The following SUGCT variants were observed in gnomAD, a reference collection of about 807,000 sequenced individuals.
The protein encoded by SUGCT is succinyl-CoA:glutarate CoA-transferase.
SUGCT carries 41 observed loss-of-function variants against 55.0 expected under a neutral mutation model. The observed-to-expected ratio is 0.74, with a 90% CI of 0.58 to 0.97. The LOEUF is 0.97. Among genes scored for constraint, SUGCT ranks in the 50% least tolerant of loss-of-function variants. The probability of loss-of-function intolerance (pLI) is 0.00; values close to 1 mark genes in which losing one functional copy is unlikely to be tolerated. For synonymous variants in SUGCT, 187 were observed against 200.4 expected (o/e 0.93, Z 0.56); for missense variants, 568 against 547.8 (o/e 1.04, Z -0.37).
intron 12 of SUGCT, among the ~76,000 whole-genome samples, chr7:40,657,770 G>T (rs757790481): frequency 6.6e-6 from 1 of 152,196 alleles, no homozygotes; most frequent in East Asian, 1.9e-4. Flanking sequence ...TCCTGACCTC[G>T]TGATTCACCC....
chr7:40,615,139 A>G (rs577884502), intron 12 of SUGCT, among the ~76,000 whole-genome samples: 1 of 152,116 alleles, frequency 6.6e-6, no homozygotes, highest in Non-Finnish European at 1.5e-5. Context: ...CTAATTCTAT[A>G]TTGAATGCTG....
At chr7:40,279,528 G>T (rs1265570090) in intron 8 of SUGCT, among the ~76,000 whole-genome samples, 1 of 152,072 alleles carries the variant, frequency 6.6e-6, no homozygotes, top group Admixed American at 6.6e-5. Context: ...TGCAATGAAG[G>T]ATGTGAAAAA....
Position 40,273,732 on chromosome 7 carries a change from G to A in SUGCT, c.577-781G>A, listed in dbSNP as rs1332968538. 2.0e-5 allele frequency among the ~76,000 whole-genome samples: 3 copies of A among 152,260 alleles called. No homozygotes were observed. In the East Asian group the frequency reaches 5.8e-4, roughly 29 times the overall value. On this transcript the variant is annotated intron_variant, in intron 7 of 13. Coordinates refer to ENST00000335693, the MANE Select transcript of SUGCT (RefSeq NM_001193313.2). Reference sequence around the variant, plus strand: ...GTCTGGGACATTGAGAGAGGCCCCCGGATCCTTTCTTACTGCAATAGACAA... The same window carrying A: ...GTCTGGGACATTGAGAGAGGCCCCCAGATCCTTTCTTACTGCAATAGACAA...
the SUGCT span, among the ~76,000 whole-genome samples, chr7:40,978,311 G>C: frequency 6.6e-6 from 1 of 152,186 alleles, no homozygotes; most frequent in South Asian, 2.1e-4. Context: ...GTCAGGCAGG[G>C]GTTGCTCTCC....
intron 9 of SUGCT, among the ~76,000 whole-genome samples, chr7:40,352,864 A>G (rs1797704937): frequency 6.6e-6 from 1 of 152,066 alleles, no homozygotes; most frequent in Admixed American, 6.6e-5. Context: ...ACTGCTTTCC[A>G]CCCTATCTGA....
intron 3 of SUGCT, among the ~76,000 whole-genome samples, chr7:40,186,962 A>C (rs1172119754): frequency 1.3e-5 from 2 of 152,224 alleles, no homozygotes; most frequent in Non-Finnish European, 2.9e-5. Context: ...GCTAGTTAAA[A>C]ATTTTAAGAA....
intron 3 of SUGCT, among the ~76,000 whole-genome samples, chr7:40,186,323 C>T (rs576267199): frequency 4.9e-4 from 74 of 151,088 alleles, no homozygotes; most frequent in Non-Finnish European, 9.9e-4. Flanking sequence ...CAGTGGCGCA[C>T]TCCTGGCTCA....
chr7:41,038,028 G>A, the SUGCT span, among the ~76,000 whole-genome samples: 6 of 152,118 alleles, frequency 3.9e-5, no homozygotes, highest in Admixed American at 6.6e-5. Context: ...CCCTGCAAGC[G>A]GGGGAAGAGT....
At chr7:40,505,910 T>C (rs1210270503) in intron 12 of SUGCT, among the ~76,000 whole-genome samples, 1 of 152,112 alleles carries the variant, frequency 6.6e-6, no homozygotes, top group Non-Finnish European at 1.5e-5. Context: ...CTTTTTGCTC[T>C]TACTCACAAT....
intron 12 of SUGCT, among the ~76,000 whole-genome samples, chr7:40,571,754 A>G (rs1345845152): frequency 6.6e-6 from 1 of 152,206 alleles, no homozygotes; most frequent in African/African-American, 2.4e-5. Flanking sequence ...AGCTTTTATC[A>G]GGCACCAGTT....
At chr7:40,335,975 C>T (rs1018039772) in intron 9 of SUGCT, among the ~76,000 whole-genome samples, 93 of 152,194 alleles carry the variant, frequency 6.1e-4, no homozygotes, top group Non-Finnish European at 9.9e-4. Context: ...TGAATTTTGT[C>T]GAAGGCCTTT....
the SUGCT span, among the ~76,000 whole-genome samples, chr7:40,941,249 T>C: frequency 2.0e-5 from 3 of 152,146 alleles, no homozygotes; most frequent in Admixed American, 1.3e-4. Flanking sequence ...CACACTTTGC[T>C]GTATCCCAGA....
intron 9 of SUGCT, among the ~76,000 whole-genome samples, chr7:40,388,371 T>G (rs968259846): frequency 2.0e-5 from 3 of 152,302 alleles, no homozygotes; most frequent in African/African-American, 7.2e-5. Context: ...TCACCTTAAC[T>G]TAGTTTTAAT....
intron 1 of SUGCT, among the ~76,000 whole-genome samples, chr7:40,166,020 G>T (rs1784408465): frequency 6.6e-6 from 1 of 152,216 alleles, no homozygotes; most frequent in Non-Finnish European, 1.5e-5. Context: ...TACTCAGGAG[G>T]CTGAGGCAGG....
At chr7:40,480,620 TTGATATTA>T (rs1790976409) in intron 11 of SUGCT, among the ~76,000 whole-genome samples, 1 of 152,234 alleles carries the variant, frequency 6.6e-6, no homozygotes, top group South Asian at 2.1e-4. Context: ...ACTCATTTTA[TTGATATTA>T]TTTCTTCTAA....
intron 12 of SUGCT, chr7:40,539,195 G>A (rs1029867229): frequency 2.6e-5 from 4 of 152,230 alleles, no homozygotes; most frequent in Admixed American, 2.0e-4. Flanking sequence ...GGATGCCTTG[G>A]TTGTTCAGGG....
At chr7:40,364,450 T>G (rs1388517403) in intron 9 of SUGCT, among the ~76,000 whole-genome samples, 5 of 152,148 alleles carry the variant, frequency 3.3e-5, no homozygotes, top group Non-Finnish European at 5.9e-5. Flanking sequence ...CAGTGGCTGG[T>G]ACCGGTTGTT....
At chr7:40,655,187 A>G (rs535367391) in intron 12 of SUGCT, among the ~76,000 whole-genome samples, 1 of 152,078 alleles carries the variant, frequency 6.6e-6, no homozygotes, top group African/African-American at 2.4e-5. Context: ...CCAGCTCCTC[A>G]GGAGGCTGAG....
At chr7:40,567,781 A>G (rs976177284) in intron 12 of SUGCT, among the ~76,000 whole-genome samples, 3 of 152,218 alleles carry the variant, frequency 2.0e-5, no homozygotes, top group African/African-American at 7.2e-5. Context: ...GGCTTCTCTA[A>G]GTAAACCGTG....
Sources: allele counts gnomAD v4.1 joint callset (sites outside exome capture counted in the v4.1 genomes callset), GRCh38; gene constraint gnomAD v4.1.1; transcripts MANE v1.5; gene names NCBI Gene and HGNC (gene_info 2026-07-23, HGNC 2026-07-21).